Variants in MAF observed in about 807,000 individuals in gnomAD.
MAF encodes the protein MAF bZIP transcription factor, also known as transcription factor Maf.
MAF carries 10 observed loss-of-function variants against 22.0 expected under a neutral mutation model. The observed-to-expected ratio is 0.45, with a 90% CI of 0.28 to 0.77. MAF has a LOEUF of 0.77. Among genes scored for constraint, MAF ranks in the 30% least tolerant of loss-of-function variants. MAF has a pLI of 0.12. For missense variants in MAF, 544 were observed against 548.4 expected, an observed-to-expected ratio of 0.99 and a Z score of 0.08; for synonymous variants, 337 against 255.8, an observed-to-expected ratio of 1.32 and a Z score of -3.03.
the MAF span, among the ~76,000 whole-genome samples, chr16:79,566,858 G>C: frequency 1.3e-5 from 2 of 152,224 alleles, no homozygotes; most frequent in African/African-American, 4.8e-5. Context: ...CTCTTTGGCT[G>C]CTGAAGCTTT....
At chr16:79,460,436 C>G in the MAF span, among the ~76,000 whole-genome samples, 1 of 152,160 alleles carries the variant, frequency 6.6e-6, no homozygotes, top group Non-Finnish European at 1.5e-5. Flanking sequence ...ATACTAAACT[C>G]TCATGTATAA....
chr16:79,442,209 AG>A, the MAF span, among the ~76,000 whole-genome samples: 1 of 152,216 alleles, frequency 6.6e-6, no homozygotes, highest in Non-Finnish European at 1.5e-5. Context: ...AATCTAATAT[AG>A]GGGATGAAAG....
chr16:79,331,406 A>G, the MAF span, among the ~76,000 whole-genome samples: 1 of 152,190 alleles, frequency 6.6e-6, no homozygotes, highest in African/African-American at 2.4e-5. Flanking sequence ...TGAAACAAGT[A>G]TTTCTTAATC....
chr16:79,547,904 G>GAGAGAGAGACAC, the MAF span, among the ~76,000 whole-genome samples: 1 of 134,992 alleles, frequency 7.4e-6, no homozygotes. Flanking sequence ...GTGTGTGTGA[G>GAGAGAGAGACAC]AGAGAGAGAG....
At chr16:79,535,502 G>C in the MAF span, among the ~76,000 whole-genome samples, 1 of 149,926 alleles carries the variant, frequency 6.7e-6, no homozygotes, top group Non-Finnish European at 1.5e-5. Flanking sequence ...GGAAATATTA[G>C]AAAGTATTAA....
the MAF span, among the ~76,000 whole-genome samples, chr16:79,502,696 AATATAAATATAAAT>A: frequency 7.3e-3 from 140 of 19,236 alleles, no homozygotes; most frequent in Admixed American, 0.011. Flanking sequence ...TATAAATATA[AATATAAATATAAAT>A]ATATATATAT....
chr16:79,439,701 G>A, the MAF span, among the ~76,000 whole-genome samples: 13 of 152,268 alleles, frequency 8.5e-5, no homozygotes, highest in African/African-American at 2.4e-4. Context: ...TCAGAAAGAG[G>A]TCCATGTTAC....
chr16:79,218,092 A>C, the MAF span, among the ~76,000 whole-genome samples: 1 of 147,932 alleles, frequency 6.8e-6, no homozygotes, highest in Non-Finnish European at 1.5e-5. Flanking sequence ...AGTTTAGCTG[A>C]GGTCACTTTA....
chr16:79,394,941 A>G, the MAF span, among the ~76,000 whole-genome samples: 1 of 152,174 alleles, frequency 6.6e-6, no homozygotes, highest in Non-Finnish European at 1.5e-5. Flanking sequence ...GAGCCTGGGC[A>G]CTCCAGGCCA....
chr16:79,350,627 C>T, the MAF span, among the ~76,000 whole-genome samples: 3 of 152,174 alleles, frequency 2.0e-5, no homozygotes, highest in African/African-American at 7.2e-5. Context: ...CTGTCCTTCC[C>T]AGCCAACAGT....
At chr16:79,350,235 T>C in the MAF span, among the ~76,000 whole-genome samples, 1 of 152,144 alleles carries the variant, frequency 6.6e-6, no homozygotes, top group Non-Finnish European at 1.5e-5. Flanking sequence ...GTTGGTGAAA[T>C]GAGCAGGCGA....
the MAF span, among the ~76,000 whole-genome samples, chr16:79,568,103 T>C: frequency 6.6e-6 from 1 of 152,082 alleles, no homozygotes; most frequent in Non-Finnish European, 1.5e-5. Flanking sequence ...TTTTCAAATG[T>C]TGGGGGTGGG....
the MAF span, chr16:79,212,138 C>A: frequency 6.6e-7 from 1 of 1,520,856 alleles, no homozygotes; most frequent in East Asian, 2.5e-5. Flanking sequence ...AGCCTGAGGT[C>A]CCCTCGTCCC....
chr16:79,600,355 C>T lies in MAF; in HGVS notation c.-453G>A. Reference sequence around the variant, plus strand: ...TCGCCTCGCCGGCCCGGGCTGCAGGCAGGGCGCGCGCGGCGTCCGCTCGGG... The same window carrying T: ...TCGCCTCGCCGGCCCGGGCTGCAGGTAGGGCGCGCGCGGCGTCCGCTCGGG... On this transcript the variant is annotated 5_prime_UTR_variant, in exon 1 of 2. Transcript: ENST00000326043. 5.0e-6 allele frequency: 1 copy of T among 198,726 alleles called. No homozygotes were observed. Among genetic ancestry groups the T allele is most frequent in the East Asian group, 9.3e-5 (1 of 10,748 alleles). 12.3% of individuals were successfully genotyped at this position (198,726 alleles called of 1,614,324 possible).
chr16:79,578,209 A>G, the MAF span, among the ~76,000 whole-genome samples: 2 of 152,238 alleles, frequency 1.3e-5, no homozygotes, highest in East Asian at 3.8e-4. Flanking sequence ...GTATACCTAT[A>G]ATATGCTATG....
chr16:79,468,677 C>G, the MAF span, among the ~76,000 whole-genome samples: 1 of 152,162 alleles, frequency 6.6e-6, no homozygotes. Flanking sequence ...CAGGATGGTG[C>G]AGACAGTGGT....
chr16:79,359,595 G>C, the MAF span, among the ~76,000 whole-genome samples: 1 of 152,186 alleles, frequency 6.6e-6, no homozygotes, highest in African/African-American at 2.4e-5. Flanking sequence ...CCCAGCTAAG[G>C]AGGAGAATTC....
At chr16:79,371,388 C>A in the MAF span, among the ~76,000 whole-genome samples, 34 of 152,308 alleles carry the variant, frequency 2.2e-4, no homozygotes, top group East Asian at 6.2e-3. Flanking sequence ...GCAGGGGACA[C>A]AGACGCCTCC....
the MAF span, among the ~76,000 whole-genome samples, chr16:79,284,993 G>A: frequency 1.3e-4 from 20 of 152,162 alleles, no homozygotes; most frequent in Non-Finnish European, 5.9e-5. Flanking sequence ...GAAACGTACG[G>A]CATCACATGT....
Sources: allele counts gnomAD v4.1 joint callset (sites outside exome capture counted in the v4.1 genomes callset), GRCh38; gene constraint gnomAD v4.1.1; transcripts MANE v1.5; gene names NCBI Gene and HGNC (gene_info 2026-07-23, HGNC 2026-07-21).